Variants in DAB2IP observed in about 807,000 individuals in gnomAD.
DAB2IP encodes DAB2 interacting protein, also known as disabled homolog 2-interacting protein.
DAB2IP carries 28 observed loss-of-function variants against 107.2 expected under a neutral mutation model. That is an observed-to-expected ratio of 0.26 (90% CI 0.19 to 0.36). DAB2IP has a LOEUF of 0.36. Ranked by LOEUF, DAB2IP falls within the 10% of genes least tolerant of loss-of-function variation. The pLI is 1.00. For missense variants in DAB2IP, 1,400 were observed against 1,644.7 expected (o/e 0.85, Z 2.57); for synonymous variants, 755 against 706.4 (o/e 1.07, Z -1.09).
In DAB2IP at chr9:121,662,052, A is replaced by T. The variant is rs150957258; in HGVS notation, c.124+10153A>T. On this transcript the variant is annotated intron_variant, in intron 1 of 15. Transcript: ENST00000408936. The surrounding 1 kb of genome is among the most constrained non-coding windows in gnomAD (Gnocchi z 4.6). ...GTAAATATCTATTACAGAACAGAAGAAAATAAAAATCACCTTTAATCCAGC... is the reference window on the plus strand; with the variant it reads ...GTAAATATCTATTACAGAACAGAAGTAAATAAAAATCACCTTTAATCCAGC... Among the ~76,000 whole-genome samples the T allele has an allele frequency of 2.2e-3, 336 of 152,260 alleles. 2 individuals carry two copies. The highest frequency in any genetic ancestry group is 7.8e-3 in the African/African-American group (324 of 41,554).
At position 121,782,791 on chromosome 9, in the gene DAB2IP, G is replaced by C; in HGVS notation, c.*293G>C. On this transcript the variant is annotated 3_prime_UTR_variant, in exon 16 of 16. Transcript: ENST00000408936. The surrounding 1 kb of genome is among the most constrained non-coding windows in gnomAD (Gnocchi z 6.1). ...GGGGCCTGCCAAAAATATGTCTGTT[G>C]GTTCCTGAATGTGGTGTGTCCTTGT... 7.9e-7 allele frequency: 1 copy of C among 1,261,416 alleles called. No homozygotes were observed. Among genetic ancestry groups the C allele is most frequent in the Non-Finnish European group, 1.0e-6 (1 of 996,686 alleles). 78.1% of individuals were successfully genotyped at this position (1,261,416 alleles called of 1,614,324 possible).
rs562117378 is a variant in DAB2IP, at chr9:121,634,851, C to T, written c.41-43827C>T. ...GCTAGGCTGGGAGGAAGCTGCTCTT[C>T]CACTCCCACCCTCACCCCGTGGGCT... On this transcript the variant is annotated intron_variant, in intron 1 of 16. Transcript: ENST00000259371. The surrounding 1 kb of genome is among the most constrained non-coding windows in gnomAD (Gnocchi z 4.7). Among the ~76,000 whole-genome samples, 1 of 152,254 alleles carries T rather than the reference C, an allele frequency of 6.6e-6. No individual in the cohort carries two copies. Among genetic ancestry groups the T allele is most frequent in the African/African-American group, 2.4e-5 (1 of 41,550 alleles).
chr9:121,614,666 T>G (rs1054651987), intron 1 of DAB2IP, among the ~76,000 whole-genome samples: 5 of 151,602 alleles, frequency 3.3e-5, no homozygotes, highest in African/African-American at 1.2e-4. Context: ...TTGTGCGGTT[T>G]CTACTATTTG....
At chr9:121,741,104 C>T (rs1832308165) in intron 3 of DAB2IP, among the ~76,000 whole-genome samples, 1 of 152,164 alleles carries the variant, frequency 6.6e-6, no homozygotes, top group African/African-American at 2.4e-5. Context: ...GCCTCCCACC[C>T]ACCTGTTTCC....
chr9:121,741,141 C>T (rs1832311239), intron 3 of DAB2IP, among the ~76,000 whole-genome samples: 1 of 152,202 alleles, frequency 6.6e-6, no homozygotes, highest in Admixed American at 6.5e-5. Context: ...CCCTCCTCTC[C>T]CCACATGCGC....
intron 14 of DAB2IP, among the ~76,000 whole-genome samples, chr9:121,778,322 CAT>C (rs2062462381): frequency 6.6e-6 from 1 of 152,148 alleles, no homozygotes; most frequent in African/African-American, 2.4e-5. Context: ...TAGGTGTCAA[CAT>C]ATGAATTTAG....
intron 1 of DAB2IP, among the ~76,000 whole-genome samples, chr9:121,572,835 G>C (rs1589368151): frequency 6.6e-6 from 1 of 152,250 alleles, no homozygotes; most frequent in East Asian, 1.9e-4. Context: ...AGAAGCGGGT[G>C]GTTGCTTTCG....
At chr9:121,650,469 T>A (rs116666440), upstream of DAB2IP, among the ~76,000 whole-genome samples, 33 of 152,320 alleles carry the variant, frequency 2.2e-4, no homozygotes, top group Non-Finnish European at 4.1e-4. Context: ...CCCACTGTTC[T>A]GGAGGAAGAT....
intron 14 of DAB2IP, among the ~76,000 whole-genome samples, chr9:121,781,052 C>T (rs777890638): frequency 6.6e-6 from 1 of 152,334 alleles, no homozygotes; most frequent in Admixed American, 6.5e-5. Context: ...TGGCACCTCG[C>T]GTACAACTTT....
At chr9:121,581,826 A>G (rs1475658855) in intron 1 of DAB2IP, among the ~76,000 whole-genome samples, 1 of 152,198 alleles carries the variant, frequency 6.6e-6, no homozygotes, top group Non-Finnish European at 1.5e-5. Context: ...CGAGCAGAGG[A>G]GGGACAGGTC....
intron 2 of DAB2IP, among the ~76,000 whole-genome samples, chr9:121,690,569 G>T (rs904328118): frequency 2.6e-5 from 4 of 152,142 alleles, no homozygotes; most frequent in Admixed American, 2.6e-4. Flanking sequence ...CTCCCTGGCT[G>T]CTCTGGGTTG....
At chr9:121,567,246 AAGTGCAG>A in intron 1 of DAB2IP, 1 of 1,613,964 alleles carries the variant, frequency 6.2e-7, no homozygotes. Context: ...GGTGCCAGCA[AAGTGCAG>A]AGTTGGGGGT....
intron 3 of DAB2IP, among the ~76,000 whole-genome samples, chr9:121,754,333 A>G (rs1833329182): frequency 6.6e-6 from 1 of 152,148 alleles, no homozygotes; most frequent in South Asian, 2.1e-4. Context: ...TGAGTGAGAG[A>G]GTACGGGTCC....
At chr9:121,607,477 A>AT (rs1004513017) in intron 1 of DAB2IP, among the ~76,000 whole-genome samples, 4 of 151,470 alleles carry the variant, frequency 2.6e-5, no homozygotes, top group Admixed American at 2.0e-4. Context: ...TAATTTTTTT[A>AT]TTTTTTGTAG....
At chr9:121,734,795 G>C (rs375947168) in intron 3 of DAB2IP, among the ~76,000 whole-genome samples, 16 of 152,244 alleles carry the variant, frequency 1.1e-4, no homozygotes, top group South Asian at 2.1e-4. Flanking sequence ...CACACTTTCA[G>C]ATGTAGTTGG....
At position 121,698,611 on chromosome 9, in the gene DAB2IP, C is replaced by G. The variant is rs1829552532; in HGVS notation, c.229-714C>G. 6.6e-6 allele frequency among the ~76,000 whole-genome samples: 1 copy of G among 152,202 alleles called. No homozygotes were observed. The highest frequency in any genetic ancestry group is 2.1e-4 in the South Asian group (1 of 4,832). On this transcript the variant is annotated intron_variant, in intron 2 of 15. Coordinates refer to ENST00000408936, the Ensembl canonical transcript of DAB2IP. This position sits in a 1 kb window ranked among gnomAD's most constrained non-coding sequence, Gnocchi z 4.1. The stretch of plus-strand genomic sequence containing the variant: ...GATCCCGTCCCGCAAGGTGGTTGTC[C>G]TTGCTGGGGTACATACAACGGTTCC...
intron 14 of DAB2IP, among the ~76,000 whole-genome samples, chr9:121,779,975 C>T (rs894622773): frequency 1.3e-5 from 2 of 152,186 alleles, no homozygotes; most frequent in African/African-American, 4.8e-5. Flanking sequence ...ACTGGGCTCT[C>T]CTTGTTGGTT....
chr9:121,624,996 G>T (rs1048538182), intron 1 of DAB2IP, among the ~76,000 whole-genome samples: 1 of 152,220 alleles, frequency 6.6e-6, no homozygotes. Context: ...CTAAGCACTC[G>T]CACTGCCTGC....
In DAB2IP at chr9:121,675,678, T is replaced by A. The variant is rs114051015; in HGVS notation, c.125-3000T>A. ...ACACACTGGACCCTCATTCCTGTTG[T>A]GGTGCTCAGTAGCCCTGTGACCTTG... On this transcript the variant is annotated intron_variant, in intron 1 of 15. Coordinates refer to ENST00000408936, the Ensembl canonical transcript of DAB2IP. Among the ~76,000 whole-genome samples the A allele has an allele frequency of 7.2e-3, 1,090 of 152,330 alleles. 11 individuals carry two copies. The highest frequency in any genetic ancestry group is 0.025 in the African/African-American group (1,051 of 41,566).
Sources: allele counts gnomAD v4.1 joint callset (sites outside exome capture counted in the v4.1 genomes callset), GRCh38; gene constraint gnomAD v4.1.1; non-coding constraint Gnocchi (gnomAD v3.1); transcripts MANE v1.5; gene names NCBI Gene and HGNC (gene_info 2026-07-23, HGNC 2026-07-21).